RBMS3: variants seen among roughly 807,000 people sequenced by gnomAD.
The protein encoded by RBMS3 is RNA binding motif single stranded interacting protein 3.
In RBMS3, 27 loss-of-function variants were observed where a neutral mutation model predicts 66.8. The ratio of observed to expected loss-of-function variants is 0.40; its 90% CI spans 0.30 to 0.56. The LOEUF (loss-of-function observed/expected upper bound fraction) is 0.56. Ranked by LOEUF, RBMS3 falls within the 20% of genes least tolerant of loss-of-function variation. The pLI is 0.40. For synonymous variants in RBMS3, 188 were observed against 183.0 expected (o/e 1.03, Z -0.22); for missense variants, 513 against 549.5 (o/e 0.93, Z 0.66).
intron 7 of RBMS3, among the ~76,000 whole-genome samples, chr3:29,875,639 A>G (rs1364905112): frequency 6.6e-6 from 1 of 152,170 alleles, no homozygotes; most frequent in Non-Finnish European, 1.5e-5. Flanking sequence ...TACATAAAAT[A>G]TGGTAACACT....
intron 4 of RBMS3, among the ~76,000 whole-genome samples, chr3:29,638,744 T>C (rs1188799602): frequency 1.3e-5 from 2 of 151,968 alleles, no homozygotes; most frequent in African/African-American, 4.8e-5. Flanking sequence ...TCCCGTAATT[T>C]CTCCTACTCT....
At chr3:29,507,662 G>A (rs1282562526) in intron 3 of RBMS3, among the ~76,000 whole-genome samples, 1 of 152,034 alleles carries the variant, frequency 6.6e-6, no homozygotes, top group Non-Finnish European at 1.5e-5. Context: ...TTTTCCATAT[G>A]TGCAAAAACA....
At chr3:29,755,848 G>A (rs577430890) in intron 5 of RBMS3, among the ~76,000 whole-genome samples, 6 of 152,296 alleles carry the variant, frequency 3.9e-5, no homozygotes, top group African/African-American at 9.6e-5. Flanking sequence ...TTACACAGTC[G>A]ATAGAAGGGT....
At chr3:29,323,835 C>T (rs1294425206) in intron 1 of RBMS3, among the ~76,000 whole-genome samples, 13 of 151,784 alleles carry the variant, frequency 8.6e-5, no homozygotes, top group African/African-American at 1.9e-4. Flanking sequence ...TAAGCTTGTA[C>T]GCAATTTTTG....
intron 6 of RBMS3, among the ~76,000 whole-genome samples, chr3:29,814,132 C>G (rs1368794123): frequency 1.3e-5 from 2 of 151,590 alleles, no homozygotes; most frequent in African/African-American, 4.9e-5. Flanking sequence ...ATAGATAGCT[C>G]TTATTATTTT....
intron 6 of RBMS3, among the ~76,000 whole-genome samples, chr3:29,829,980 TAA>T (rs71628537): frequency 2.7e-5 from 4 of 149,250 alleles, no homozygotes; most frequent in African/African-American, 7.4e-5. Context: ...AGGGAATTAA[TAA>T]AAAAAAAAAT....
rs757346109 is a variant in RBMS3 at position 30,007,785 on chromosome 3, A to G, written c.*3923A>G. On this transcript the variant is annotated 3_prime_UTR_variant, in exon 15 of 15. Coordinates refer to ENST00000383767, the MANE Select transcript of RBMS3 (RefSeq NM_001003793.3). ...GAGGATTAGTTTGTTTCCTTGGTAG[A>G]TTTCAACATTTCAGAATGTTACCTC... 2 of 152,028 alleles carry G rather than the reference A, an allele frequency of 1.3e-5. No individual in the cohort carries two copies. The highest frequency in any genetic ancestry group is 2.9e-5 in the Non-Finnish European group (2 of 67,952). The allele number at this position is 152,028 out of a possible 1,614,324, so 9.4% of individuals were successfully genotyped here. A position where few individuals can be genotyped will look rare whatever the true frequency, so the allele number is the denominator to read the frequency against.
At chr3:29,956,165 C>T (rs1360579535) in intron 12 of RBMS3, among the ~76,000 whole-genome samples, 1 of 152,078 alleles carries the variant, frequency 6.6e-6, no homozygotes, top group Non-Finnish European at 1.5e-5. Context: ...GTCTGCTTCA[C>T]GACTCTTCTT....
At chr3:29,835,275 A>C (rs1291442625) in intron 6 of RBMS3, among the ~76,000 whole-genome samples, 1 of 152,008 alleles carries the variant, frequency 6.6e-6, no homozygotes, top group African/African-American at 2.4e-5. Flanking sequence ...ACTACATTTT[A>C]GAACAAATGA....
At chr3:29,807,694 A>G (rs1229635679) in intron 6 of RBMS3, among the ~76,000 whole-genome samples, 1 of 151,896 alleles carries the variant, frequency 6.6e-6, no homozygotes, top group Admixed American at 6.6e-5. Context: ...TCCACAGCAC[A>G]TTGTTATGTA....
chr3:29,366,510 A>G (rs945522647), intron 1 of RBMS3, among the ~76,000 whole-genome samples: 3 of 152,214 alleles, frequency 2.0e-5, no homozygotes, highest in South Asian at 2.1e-4. Context: ...GCTCCTGAGT[A>G]GCTGGTACTA....
intron 4 of RBMS3, among the ~76,000 whole-genome samples, chr3:29,693,224 T>G (rs546188494): frequency 2.0e-5 from 3 of 152,176 alleles, no homozygotes; most frequent in Non-Finnish European, 2.9e-5. Context: ...CAGAAAACAT[T>G]CCTTGAAAAT....
rs375523558 is a variant in RBMS3 at position 29,281,660 on chromosome 3, C to G, written c.-22C>G. 6.2e-7 allele frequency: 1 copy of G among 1,605,820 alleles called. No individual in the cohort carries two copies. Among genetic ancestry groups the G allele is most frequent in the East Asian group, 2.2e-5 (1 of 44,722 alleles). On this transcript the variant is annotated 5_prime_UTR_variant, in exon 1 of 15. Transcript: ENST00000383767. ...TACCCTGTCATCCAGTTCCCTGCCT[C>G]GGAGATAAAGATTCCAGCTACATGG...
At chr3:29,427,491 G>T (rs2041003943) in intron 1 of RBMS3, among the ~76,000 whole-genome samples, 1 of 152,176 alleles carries the variant, frequency 6.6e-6, no homozygotes, top group Non-Finnish European at 1.5e-5. Context: ...AAGAATAAAG[G>T]TTATGTGGAA....
At chr3:29,460,994 C>T (rs887978989) in intron 2 of RBMS3, among the ~76,000 whole-genome samples, 3 of 152,144 alleles carry the variant, frequency 2.0e-5, no homozygotes, top group Admixed American at 2.0e-4. Flanking sequence ...ATGATCTCAC[C>T]ATTGGTTTCA....
At position 29,403,683 on chromosome 3, in the gene RBMS3, GA is replaced by G. The variant is rs201088290; in HGVS notation, c.76-31052del. Among the ~76,000 whole-genome samples, 45 of 151,526 alleles carry G rather than the reference GA, an allele frequency of 3.0e-4. 1 individual carries two copies. In the East Asian group the frequency reaches 7.6e-3, roughly 25 times the overall value. ...ACAATAAATTGCAATTAAAGTTGGA[GA>G]AAAAAAACAATAATTATTCCTTCTT... On this transcript the variant is annotated intron_variant, in intron 1 of 14. Coordinates refer to ENST00000383767, the MANE Select transcript of RBMS3 (RefSeq NM_001003793.3).
intron 1 of RBMS3, among the ~76,000 whole-genome samples, chr3:29,331,146 G>A (rs144010344): frequency 6.6e-6 from 1 of 152,090 alleles, no homozygotes; most frequent in East Asian, 1.9e-4. Flanking sequence ...TTTTCAACCA[G>A]TCTGTGCGCT....
At chr3:29,739,257 C>A (rs544511856) in intron 4 of RBMS3, among the ~76,000 whole-genome samples, 1 of 152,156 alleles carries the variant, frequency 6.6e-6, no homozygotes, top group Admixed American at 6.5e-5. Flanking sequence ...GAGATGGAGA[C>A]CATCCTGGCT....
intron 2 of RBMS3, among the ~76,000 whole-genome samples, chr3:29,484,980 A>G (rs1347345036): frequency 2.0e-5 from 3 of 152,198 alleles, no homozygotes; most frequent in African/African-American, 7.2e-5. Flanking sequence ...GAATTAATAT[A>G]CACAGTGGGT....
Sources: allele counts gnomAD v4.1 joint callset (sites outside exome capture counted in the v4.1 genomes callset), GRCh38; gene constraint gnomAD v4.1.1; transcripts MANE v1.5; gene names NCBI Gene and HGNC (gene_info 2026-07-23, HGNC 2026-07-21).